Variants in PLCB1 observed in about 807,000 individuals in gnomAD.
The protein encoded by PLCB1 is phospholipase C beta 1.
A neutral mutation model predicts 161.8 loss-of-function variants in PLCB1; 46 were observed. The ratio of observed to expected loss-of-function variants is 0.28; its 90% confidence interval spans 0.22 to 0.36. The LOEUF (loss-of-function observed/expected upper bound fraction) is 0.36, where lower values mean the gene tolerates loss of function less well. PLCB1 is among the 10% of genes least tolerant of loss of function. PLCB1 has a pLI of 1.00. For missense variants in PLCB1, 1,016 were observed against 1,472.5 expected (o/e 0.69, Z 5.07); for synonymous variants, 517 against 503.7 (o/e 1.03, Z -0.35).
intron 1 of PLCB1, among the ~76,000 whole-genome samples, chr20:8,140,512 C>T (rs993352897): frequency 2.0e-5 from 3 of 152,138 alleles, no homozygotes; most frequent in Non-Finnish European, 4.4e-5. Context: ...AGACTAAGTC[C>T]TAATAGCAGG....
chr20:8,595,786 T>C (rs1464116145), intron 3 of PLCB1, among the ~76,000 whole-genome samples: 43 of 145,090 alleles, frequency 3.0e-4, no homozygotes, highest in African/African-American at 1.0e-3. Context: ...TTTTAATGAT[T>C]GCCATTCTAA....
chr20:8,690,013 G>A (rs769989770), intron 10 of PLCB1, among the ~76,000 whole-genome samples: 8 of 107,778 alleles, frequency 7.4e-5, no homozygotes, highest in Admixed American at 3.8e-4. Context: ...CATATACCTC[G>A]TTTCTGGTCA....
chr20:8,775,620 T>C (rs2327087), intron 27 of PLCB1, among the ~76,000 whole-genome samples: 144,992 of 152,256 alleles, frequency 0.95, 69,161 homozygotes, highest in East Asian at 1. Context: ...TGTTCTAGGA[T>C]AACAGTCCCC....
chr20:8,685,204 T>G lies in PLCB1; in HGVS notation c.1009+126T>G, dbSNP rs951960669. 3 of 884,124 alleles carry G rather than the reference T, an allele frequency of 3.4e-6. No homozygotes were observed. In the South Asian group the frequency reaches 4.7e-5, roughly 14 times the overall value. The allele number at this position is 884,124 out of a possible 1,614,324, so 54.8% of individuals were successfully genotyped here. ...TCCTGCGAAGTGCCTCTGAGAACTC[T>G]GGGGTTCCACCACTAAAGCCTCCCG... On this transcript the variant is annotated intron_variant, in intron 10 of 31. Transcript: ENST00000338037.
chr20:8,820,152 G>A (rs1985270923), intron 31 of PLCB1, among the ~76,000 whole-genome samples: 1 of 146,192 alleles, frequency 6.8e-6, no homozygotes, highest in Non-Finnish European at 1.5e-5. Flanking sequence ...GTGAATAGGT[G>A]GATACGAATT....
chr20:8,341,527 C>T (rs1985809228), intron 2 of PLCB1, among the ~76,000 whole-genome samples: 1 of 152,156 alleles, frequency 6.6e-6, no homozygotes, highest in Admixed American at 6.5e-5. Context: ...TTCCTGGATT[C>T]TTTTCTCTCA....
At chr20:8,770,511 G>A (rs1247072677) in intron 26 of PLCB1, among the ~76,000 whole-genome samples, 1 of 152,202 alleles carries the variant, frequency 6.6e-6, no homozygotes, top group Admixed American at 6.5e-5. Flanking sequence ...ACATGCGCCT[G>A]TGACAGCCTC....
chr20:8,373,817 C>T (rs1164043354), intron 3 of PLCB1, among the ~76,000 whole-genome samples: 1 of 152,094 alleles, frequency 6.6e-6, no homozygotes, highest in Non-Finnish European at 1.5e-5. Flanking sequence ...GGGCTTATCT[C>T]AAAGGGGGTT....
At chr20:8,376,417 A>G (rs1987081399) in intron 3 of PLCB1, among the ~76,000 whole-genome samples, 1 of 152,210 alleles carries the variant, frequency 6.6e-6, no homozygotes, top group Non-Finnish European at 1.5e-5. Context: ...TTCTTTCCTA[A>G]TCTCTACATA....
chr20:8,753,608 G>A (rs1981592513), intron 23 of PLCB1, among the ~76,000 whole-genome samples: 1 of 152,034 alleles, frequency 6.6e-6, no homozygotes, highest in African/African-American at 2.4e-5. Flanking sequence ...GCATTACTAA[G>A]GATGCATAGC....
chr20:8,792,212 C>A, intron 31 of PLCB1: 1 of 174,468 alleles, frequency 5.7e-6, no homozygotes, highest in Non-Finnish European at 1.2e-5. Flanking sequence ...TTGAGAAAAA[C>A]CTTCCTACAT....
At chr20:8,848,633 G>A (rs146331449) in intron 31 of PLCB1, among the ~76,000 whole-genome samples, 2 of 152,348 alleles carry the variant, frequency 1.3e-5, no homozygotes, top group African/African-American at 2.4e-5. Flanking sequence ...GTCTCCATGT[G>A]CAGGAGTCAT....
intron 4 of PLCB1, among the ~76,000 whole-genome samples, chr20:8,636,138 A>G (rs1988755978): frequency 6.6e-6 from 1 of 152,328 alleles, no homozygotes; most frequent in African/African-American, 2.4e-5. Context: ...TTTGGGACAT[A>G]ATGGAAAACT....
intron 2 of PLCB1, among the ~76,000 whole-genome samples, chr20:8,255,770 G>A (rs1276053283): frequency 1.3e-5 from 2 of 151,850 alleles, no homozygotes; most frequent in Non-Finnish European, 2.9e-5. Context: ...TTAATAAATT[G>A]TCGATATTCA....
At chr20:8,472,998 C>T (rs1201252179) in intron 3 of PLCB1, among the ~76,000 whole-genome samples, 1 of 152,162 alleles carries the variant, frequency 6.6e-6, no homozygotes, top group South Asian at 2.1e-4. Context: ...AGACATCCAA[C>T]TTACCCTGCT....
intron 2 of PLCB1, among the ~76,000 whole-genome samples, chr20:8,368,528 CAAAAAAAAAAA>C (rs1216338206): frequency 1.1e-4 from 7 of 63,830 alleles, no homozygotes; most frequent in African/African-American, 3.0e-4. Flanking sequence ...CTCTGTCTCT[CAAAAAAAAAAA>C]AAAAAAAAAA....
chr20:8,650,329 A>G (rs1006396144), intron 7 of PLCB1, among the ~76,000 whole-genome samples: 1 of 152,212 alleles, frequency 6.6e-6, no homozygotes, highest in African/African-American at 2.4e-5. Flanking sequence ...TACCATTGCC[A>G]GGGCAACACC....
intron 3 of PLCB1, among the ~76,000 whole-genome samples, chr20:8,410,410 C>T (rs1468629785): frequency 6.6e-6 from 1 of 152,128 alleles, no homozygotes; most frequent in Non-Finnish European, 1.5e-5. Flanking sequence ...TCTCCACATC[C>T]TCACCAAAAG....
intron 18 of PLCB1, among the ~76,000 whole-genome samples, chr20:8,732,416 G>T (rs920066697): frequency 6.6e-6 from 1 of 151,534 alleles, no homozygotes; most frequent in African/African-American, 2.4e-5. Flanking sequence ...CACTGATCAT[G>T]GCTTCAAAGA....
Sources: gnomAD v4.1 joint callset for allele counts (sites outside exome capture counted in the v4.1 genomes callset) on GRCh38, gnomAD v4.1.1 for gene constraint, MANE v1.5 for transcripts, NCBI Gene and HGNC (gene_info 2026-07-23, HGNC 2026-07-21) for gene names.